DLGAP2: variants seen among roughly 807,000 people sequenced by gnomAD.
DLGAP2 encodes the protein DLG associated protein 2, also known as disks large-associated protein 2.
Under a neutral mutation model 100.3 loss-of-function variants are expected in DLGAP2, and 26 were observed. The ratio of observed to expected loss-of-function variants is 0.26; its 90% CI spans 0.19 to 0.36. DLGAP2 has a LOEUF of 0.36. Among genes scored for constraint, DLGAP2 ranks in the 10% least tolerant of loss-of-function variants. The pLI is 1.00. For missense variants in DLGAP2, 1,858 were observed against 1,453.2 expected, an observed-to-expected ratio of 1.28 and a Z score of -4.53; for synonymous variants, 886 against 630.1, an observed-to-expected ratio of 1.41 and a Z score of -6.08.
chr8:1,288,497 T>C (rs1450787249), intron 3 of DLGAP2, among the ~76,000 whole-genome samples: 2 of 144,112 alleles, frequency 1.4e-5, no homozygotes, highest in African/African-American at 5.3e-5. Flanking sequence ...TGTGTGTGTG[T>C]GTGTGTGTGC....
chr8:1,091,424 G>A lies in DLGAP2; in HGVS notation c.74-167427G>A, dbSNP rs915686612. ...ATTCCTTTTCTCAGTCTAGTAAGAC[G>A]CTAACTATTAAAAACATCTACTTAA... On this transcript the variant is annotated intron_variant, in intron 2 of 14. Coordinates refer to ENST00000637795, the MANE Select transcript of DLGAP2 (RefSeq NM_001346810.2). Among the ~76,000 whole-genome samples, 18 of 152,214 alleles carry A rather than the reference G, an allele frequency of 1.2e-4. 1 individual carries two copies. Among genetic ancestry groups the A allele is most frequent in the Admixed American group, 4.6e-4 (7 of 15,284 alleles).
intron 2 of DLGAP2, among the ~76,000 whole-genome samples, chr8:1,256,024 C>CTCA (rs374284837): frequency 7.4e-3 from 931 of 124,974 alleles, no homozygotes; most frequent in African/African-American, 0.029. Flanking sequence ...TGTGTGTCCT[C>CTCA]TCCTGCCCGG....
intron 2 of DLGAP2, among the ~76,000 whole-genome samples, chr8:1,058,285 A>T (rs1474713001): frequency 1.3e-5 from 2 of 152,190 alleles, no homozygotes; most frequent in East Asian, 3.8e-4. Context: ...TTACAAATAG[A>T]TAATCACTCA....
intron 6 of DLGAP2, among the ~76,000 whole-genome samples, chr8:1,613,929 C>T (rs1384193780): frequency 1.3e-5 from 2 of 152,220 alleles, no homozygotes; most frequent in African/African-American, 2.4e-5. Context: ...TTGCTACCTT[C>T]CATTCTAGCT....
chr8:1,172,508 C>T (rs1179508706), intron 2 of DLGAP2, among the ~76,000 whole-genome samples: 1 of 152,220 alleles, frequency 6.6e-6, no homozygotes, highest in Non-Finnish European at 1.5e-5. Context: ...CTCCCTGTCA[C>T]TTTCAGGTGC....
At position 1,697,310 on chromosome 8, in the gene DLGAP2, C is replaced by G; in HGVS notation, c.2949+11C>G. On this transcript the variant is annotated intron_variant, in intron 14 of 14. Transcript: ENST00000637795. ...TCCCCGGAAAGAAAGGTAAGGGCAT[C>G]CATGCAGGGCCGGCTCCCAGCAAAC... 1 of 1,583,842 alleles carries G rather than the reference C, an allele frequency of 6.3e-7. No individual in the cohort carries two copies. The highest frequency in any genetic ancestry group is 8.6e-7 in the Non-Finnish European group (1 of 1,161,174).
intron 12 of DLGAP2, chr8:1,688,416 A>AGTT (rs1343919744): frequency 6.6e-6 from 1 of 152,238 alleles, no homozygotes; most frequent in African/African-American, 2.4e-5. Flanking sequence ...TTTTATTAAA[A>AGTT]GTTATGCTTT....
intron 2 of DLGAP2, among the ~76,000 whole-genome samples, chr8:1,007,029 G>A (rs909328411): frequency 4.0e-5 from 6 of 149,184 alleles, no homozygotes; most frequent in Non-Finnish European, 8.9e-5. Context: ...CTGAAGTCTC[G>A]GGATGTGGTC....
chr8:1,675,230 T>A (rs1457382040), intron 10 of DLGAP2, among the ~76,000 whole-genome samples: 1 of 151,894 alleles, frequency 6.6e-6, no homozygotes, highest in African/African-American at 2.4e-5. Flanking sequence ...AGCTCCAGGG[T>A]TTTCTCGCGC....
intron 1 of DLGAP2, among the ~76,000 whole-genome samples, chr8:833,278 T>G (rs1796814282): frequency 6.6e-6 from 1 of 152,176 alleles, no homozygotes; most frequent in South Asian, 2.1e-4. Context: ...TCAGGCTTTT[T>G]GCTGTAACAA....
chr8:1,140,333 CA>C (rs1468088903), intron 2 of DLGAP2, among the ~76,000 whole-genome samples: 1 of 124,612 alleles, frequency 8.0e-6, no homozygotes. Flanking sequence ...GCCTCCCTTC[CA>C]TCTGGAAGGC....
chr8:1,652,768 A>G (rs1406407632), intron 8 of DLGAP2, among the ~76,000 whole-genome samples: 2 of 152,150 alleles, frequency 1.3e-5, no homozygotes, highest in Non-Finnish European at 2.9e-5. Flanking sequence ...TTTAAAATAA[A>G]GAATAACATG....
intron 1 of DLGAP2, among the ~76,000 whole-genome samples, chr8:788,312 C>G (rs1360703415): frequency 6.6e-6 from 1 of 152,192 alleles, no homozygotes; most frequent in Non-Finnish European, 1.5e-5. Context: ...TAGCAGCATT[C>G]AGTCGAGGCC....
intron 3 of DLGAP2, among the ~76,000 whole-genome samples, chr8:1,342,841 T>A (rs1378644713): frequency 6.6e-6 from 1 of 152,178 alleles, no homozygotes; most frequent in Admixed American, 6.5e-5. Context: ...ATTTCTAAGT[T>A]CCAAGTCACA....
intron 7 of DLGAP2, among the ~76,000 whole-genome samples, chr8:1,629,615 G>A (rs1797593586): frequency 6.6e-6 from 1 of 152,224 alleles, no homozygotes; most frequent in Non-Finnish European, 1.5e-5. Context: ...CAGAGATGAG[G>A]ATACAGCAGA....
At chr8:1,657,686 T>C (rs952231689) in intron 8 of DLGAP2, among the ~76,000 whole-genome samples, 1 of 152,252 alleles carries the variant, frequency 6.6e-6, no homozygotes, top group Non-Finnish European at 1.5e-5. Context: ...TGCAGTGATA[T>C]ACTTCCATGT....
intron 2 of DLGAP2, among the ~76,000 whole-genome samples, chr8:1,083,770 G>A (rs1012049693): frequency 6.6e-6 from 1 of 152,074 alleles, no homozygotes; most frequent in African/African-American, 2.4e-5. Flanking sequence ...ATTACAACGA[G>A]TTATATAAGT....
chr8:1,639,206 T>C (rs1213974458), intron 8 of DLGAP2, among the ~76,000 whole-genome samples: 1 of 151,742 alleles, frequency 6.6e-6, no homozygotes, highest in East Asian at 1.9e-4. Context: ...CAGGAGGGTA[T>C]AGAAAGAGAA....
chr8:1,091,373 A>T (rs1039794909), intron 2 of DLGAP2, among the ~76,000 whole-genome samples: 2 of 152,222 alleles, frequency 1.3e-5, no homozygotes, highest in Non-Finnish European at 2.9e-5. Context: ...GACATGGGGG[A>T]GGCCAGTGTT....
Sources: allele counts gnomAD v4.1 joint callset (sites outside exome capture counted in the v4.1 genomes callset), GRCh38; gene constraint gnomAD v4.1.1; transcripts MANE v1.5; gene names NCBI Gene and HGNC (gene_info 2026-07-23, HGNC 2026-07-21).